Variants in EFCAB6 observed in about 807,000 individuals in gnomAD.
EFCAB6 encodes EF-hand calcium binding domain 6, also known as EF-hand calcium-binding domain-containing protein 6.
A neutral mutation model predicts 169.8 loss-of-function variants in EFCAB6; 156 were observed. The observed-to-expected ratio is 0.92, with a 90% CI of 0.81 to 1.05. EFCAB6 has a LOEUF of 1.05. Ranked by LOEUF, EFCAB6 falls within the 50% of genes least tolerant of loss-of-function variation. The probability of loss-of-function intolerance (pLI) is 0.00; values close to 1 mark genes in which losing one functional copy is unlikely to be tolerated. For synonymous variants in EFCAB6, 698 were observed against 676.4 expected (o/e 1.03, Z -0.50); for missense variants, 1,800 against 1,829.1 (o/e 0.98, Z 0.29).
chr22:43,652,924 C>T (rs2056548077), intron 17 of EFCAB6, among the ~76,000 whole-genome samples: 1 of 151,968 alleles, frequency 6.6e-6, no homozygotes, highest in Non-Finnish European at 1.5e-5. Context: ...TAATGAGCAT[C>T]CCACTACTGA....
intron 3 of EFCAB6, among the ~76,000 whole-genome samples, chr22:43,775,663 C>T (rs1274740342): frequency 1.3e-5 from 2 of 152,192 alleles, no homozygotes; most frequent in East Asian, 3.8e-4. Flanking sequence ...AGGCTGGTCT[C>T]GAACTCCTGA....
chr22:43,584,187 T>C (rs1354107013), intron 24 of EFCAB6, among the ~76,000 whole-genome samples: 2 of 151,984 alleles, frequency 1.3e-5, no homozygotes, highest in Non-Finnish European at 2.9e-5. Flanking sequence ...AAGCTGGACA[T>C]GGAAGGAGTG....
chr22:43,589,835 A>G (rs1303374998), intron 24 of EFCAB6, among the ~76,000 whole-genome samples: 1 of 152,154 alleles, frequency 6.6e-6, no homozygotes, highest in Non-Finnish European at 1.5e-5. Context: ...ACTGATGTTA[A>G]GAAATGGTGG....
Position 43,635,085 on chromosome 22 carries a change from A to G in EFCAB6, c.2098+17T>C. The G allele has an allele frequency of 6.2e-7, 1 of 1,605,830 alleles. No individual in the cohort carries two copies. Among genetic ancestry groups the G allele is most frequent in the Non-Finnish European group, 8.5e-7 (1 of 1,172,352 alleles). On this transcript the variant is annotated intron_variant, in intron 18 of 31. Transcript: ENST00000262726. ...CCAGGACGCATCCCACAGGGTGTGG[A>G]CTTGGCCATTAGCTACCTTCAAATC...
At chr22:43,587,771 A>G (rs2051175268) in intron 24 of EFCAB6, among the ~76,000 whole-genome samples, 1 of 152,178 alleles carries the variant, frequency 6.6e-6, no homozygotes, top group Non-Finnish European at 1.5e-5. Flanking sequence ...GGAACTGTAT[A>G]TCTTTGGGAG....
At chr22:43,638,414 G>C (rs1239569817) in intron 17 of EFCAB6, among the ~76,000 whole-genome samples, 1 of 152,192 alleles carries the variant, frequency 6.6e-6, no homozygotes. Flanking sequence ...TTACCAGATA[G>C]TCGTCACTCC....
At chr22:43,558,727 C>T (rs568915049) in intron 26 of EFCAB6, among the ~76,000 whole-genome samples, 1 of 152,292 alleles carries the variant, frequency 6.6e-6, no homozygotes, top group East Asian at 1.9e-4. Flanking sequence ...AAGATCACCA[C>T]CATATTTTAG....
At chr22:43,780,565 C>T (rs949269413) in intron 3 of EFCAB6, among the ~76,000 whole-genome samples, 4 of 149,718 alleles carry the variant, frequency 2.7e-5, no homozygotes, top group East Asian at 3.9e-4. Context: ...CTTCTTTGTA[C>T]GATCAGAAAG....
intron 23 of EFCAB6, 58 bp downstream of exon 23, chr22:43,600,011 G>A (rs1365222761): frequency 2.6e-6 from 4 of 1,533,852 alleles, no homozygotes; most frequent in Non-Finnish European, 3.5e-6. Flanking sequence ...CTTGTGCTGT[G>A]AGGCCAGATG....
intron 11 of EFCAB6, 135 bp downstream of exon 11, chr22:43,687,335 TA>T: frequency 1.8e-6 from 1 of 568,492 alleles, no homozygotes. Flanking sequence ...AATCACTATA[TA>T]AAAGTTGGCA....
chr22:43,645,667 A>C (rs2056107745), intron 17 of EFCAB6, among the ~76,000 whole-genome samples: 1 of 152,244 alleles, frequency 6.6e-6, no homozygotes, highest in South Asian at 2.1e-4. Context: ...AAAATGTAGT[A>C]GTGATACGTA....
intron 6 of EFCAB6, among the ~76,000 whole-genome samples, chr22:43,742,335 G>T (rs1318424160): frequency 6.6e-6 from 1 of 152,106 alleles, no homozygotes; most frequent in African/African-American, 2.4e-5. Flanking sequence ...TATCGTCTAG[G>T]GACTGCTTTC....
intron 23 of EFCAB6, among the ~76,000 whole-genome samples, chr22:43,597,317 G>C (rs909030280): frequency 4.6e-5 from 7 of 152,180 alleles, no homozygotes; most frequent in Non-Finnish European, 1.5e-5. Context: ...AGCCTACTGA[G>C]TGGGAGAAGA....
At chr22:43,529,318 T>G (rs527972585) in intron 31 of EFCAB6, among the ~76,000 whole-genome samples, 5 of 152,180 alleles carry the variant, frequency 3.3e-5, no homozygotes, top group Non-Finnish European at 7.4e-5. Flanking sequence ...CAGCCCTAAC[T>G]TGGGGCAGAG....
At chr22:43,646,027 C>T (rs891335469) in intron 17 of EFCAB6, among the ~76,000 whole-genome samples, 4 of 152,182 alleles carry the variant, frequency 2.6e-5, no homozygotes, top group Non-Finnish European at 5.9e-5. Flanking sequence ...TCAGCGTGTT[C>T]TGCGGGCAGT....
chr22:43,743,401 T>C (rs2060443258), intron 6 of EFCAB6, among the ~76,000 whole-genome samples: 1 of 152,202 alleles, frequency 6.6e-6, no homozygotes, highest in Admixed American at 6.5e-5. Context: ...AATGATGTAG[T>C]GACTAGTCAC....
At chr22:43,704,174 G>T (rs2058867710) in intron 10 of EFCAB6, among the ~76,000 whole-genome samples, 1 of 152,094 alleles carries the variant, frequency 6.6e-6, no homozygotes, top group Non-Finnish European at 1.5e-5. Flanking sequence ...ACTATCAGCA[G>T]ATTTCTCCAC....
At chr22:43,555,610 C>G (rs768232729) in intron 26 of EFCAB6, among the ~76,000 whole-genome samples, 6 of 152,194 alleles carry the variant, frequency 3.9e-5, no homozygotes, top group Non-Finnish European at 5.9e-5. Flanking sequence ...TTCCTTGAAG[C>G]CTGAAACTTT....
intron 23 of EFCAB6, among the ~76,000 whole-genome samples, chr22:43,593,903 C>T (rs370956695): frequency 2.2e-4 from 34 of 152,294 alleles, no homozygotes; most frequent in African/African-American, 5.3e-4. Context: ...GGATTGAGAT[C>T]GTGCCAAGAA....
Sources: gnomAD v4.1 joint callset for allele counts (sites outside exome capture counted in the v4.1 genomes callset) on GRCh38, gnomAD v4.1.1 for gene constraint, MANE v1.5 for transcripts, NCBI Gene and HGNC (gene_info 2026-07-23, HGNC 2026-07-21) for gene names.